SPG11: variants seen among roughly 807,000 people sequenced by gnomAD.
The protein encoded by SPG11 is SPG11 vesicle trafficking associated, spatacsin.
In SPG11, 222 loss-of-function variants were observed where a neutral mutation model predicts 274.0. The observed-to-expected ratio is 0.81, with a 90% confidence interval of 0.73 to 0.91. SPG11 has a LOEUF of 0.91. Ranked by LOEUF, SPG11 falls within the 40% of genes least tolerant of loss-of-function variation. SPG11 has a pLI of 0.00. For synonymous variants in SPG11, 1,144 were observed against 1,039.7 expected (o/e 1.10, Z -1.93); for missense variants, 3,114 against 2,872.7 (o/e 1.08, Z -1.92).
chr15:44,568,493 G>A (rs1007746588), intron 35 of SPG11, among the ~76,000 whole-genome samples: 1 of 152,172 alleles, frequency 6.6e-6, no homozygotes, highest in Non-Finnish European at 1.5e-5. Flanking sequence ...CAGAAGCAAT[G>A]AATCATCCAA....
chr15:44,629,289 T>G lies in SPG11; in HGVS notation c.1835A>C (p.Asn612Thr). The change falls in exon 9 of 40, where the codon AAT (asparagine) becomes ACT (threonine). Residue 612 changes from asparagine (N) to threonine (T), a missense_variant. Asn to Thr is a moderately conservative substitution (Grantham distance 65, BLOSUM62 0). Transcript: ENST00000261866. ...QSKHFSEQLL[N>T]LTLSFLNNQI... ...GTTGTTAAGGAAAGACAGTGTAAGA[T>G]TAAGCAATTGTTCTGAAAAGTGTTT... 3 of 1,614,102 alleles carry G rather than the reference T, an allele frequency of 1.9e-6. No homozygotes were observed. Among genetic ancestry groups the G allele is most frequent in the Non-Finnish European group, 2.5e-6 (3 of 1,179,956 alleles).
chr15:44,609,839 G>A (rs1461104997), intron 18 of SPG11, among the ~76,000 whole-genome samples: 8 of 147,170 alleles, frequency 5.4e-5, no homozygotes, highest in African/African-American at 1.5e-4. Flanking sequence ...TCAAGTAATC[G>A]TGTCTCAGCC....
At chr15:44,655,072 T>C (rs1361563450) in intron 4 of SPG11, among the ~76,000 whole-genome samples, 1 of 152,228 alleles carries the variant, frequency 6.6e-6, no homozygotes, top group African/African-American at 2.4e-5. Context: ...TAAAATGCCA[T>C]GTGGTACTAA....
At chr15:44,565,164 C>G (rs956396669) in intron 38 of SPG11, among the ~76,000 whole-genome samples, 3 of 152,122 alleles carry the variant, frequency 2.0e-5, no homozygotes, top group Non-Finnish European at 4.4e-5. Flanking sequence ...AGGGCTAGAA[C>G]CAATCTCCCT....
intron 7 of SPG11, among the ~76,000 whole-genome samples, chr15:44,641,586 T>TACACACACACACACACAC (rs147901004): frequency 2.7e-5 from 3 of 112,486 alleles, no homozygotes; most frequent in Admixed American, 9.6e-5. Flanking sequence ...CCAAATATCT[T>TACACACACACACACACAC]ACACACACAC....
chr15:44,568,850 G>T (rs2082359156), intron 35 of SPG11, among the ~76,000 whole-genome samples: 1 of 152,144 alleles, frequency 6.6e-6, no homozygotes, highest in African/African-American at 2.4e-5. Flanking sequence ...AGAGGCTGAG[G>T]TGGAGGAGGA....
Position 44,659,224 on chromosome 15 carries a change from T to G in SPG11, c.522A>C (p.Leu174=). 6.2e-7 allele frequency: 1 copy of G among 1,614,170 alleles called. No individual in the cohort carries two copies. Among genetic ancestry groups the G allele is most frequent in the Non-Finnish European group, 8.5e-7 (1 of 1,179,992 alleles). The part of the protein sequence containing the change: ...SLLFINKCVI[L]HIIFPERDAA... Reference sequence around the variant, plus strand: ...CATCTCTTTCAGGAAATATAATATGTAGGATGACACATTTGTTGATGAACA... The same window carrying G: ...CATCTCTTTCAGGAAATATAATATGGAGGATGACACATTTGTTGATGAACA... Residue 174 remains leucine, a synonymous_variant, in exon 3 of 40, where the codon CTA becomes CTC. Coordinates refer to ENST00000261866, the MANE Select transcript of SPG11 (RefSeq NM_025137.4).
At chr15:44,625,278 C>T (rs2083866257) in intron 11 of SPG11, among the ~76,000 whole-genome samples, 1 of 152,092 alleles carries the variant, frequency 6.6e-6, no homozygotes, top group Non-Finnish European at 1.5e-5. Flanking sequence ...CCTGGAGATC[C>T]TCCTGCCTCA....
intron 7 of SPG11, among the ~76,000 whole-genome samples, chr15:44,646,625 A>G (rs1490508224): frequency 1.3e-5 from 2 of 152,226 alleles, no homozygotes; most frequent in African/African-American, 2.4e-5. Flanking sequence ...ATTCATATAC[A>G]TGATGGAATA....
chr15:44,608,723 T>C (rs2083385511), intron 18 of SPG11, 118 bp from the exon 19 acceptor site: 1 of 933,578 alleles, frequency 1.1e-6, no homozygotes, highest in Non-Finnish European at 1.6e-6. Context: ...TGGTAGTGAA[T>C]ATAGCATTAG....
chr15:44,622,357 AAAGT>A lies in SPG11; in HGVS notation c.2317-14_2317-11del. ...CTTTTAAAATTTCAACCTTGAATAA[AAAGT>A]AATTAAAGCAGTGACTTTACAAAAA... On this transcript the variant is annotated splice_polypyrimidine_tract_variant and intron_variant, in intron 12 of 39. Transcript: ENST00000261866. The A allele has an allele frequency of 1.3e-6, 2 of 1,529,724 alleles. No individual in the cohort carries two copies. The highest frequency in any genetic ancestry group is 2.3e-5 in the East Asian group (1 of 44,128). 94.8% of individuals were successfully genotyped at this position (1,529,724 alleles called of 1,614,324 possible).
intron 35 of SPG11, among the ~76,000 whole-genome samples, chr15:44,568,342 T>C (rs991445961): frequency 3.9e-5 from 6 of 152,260 alleles, no homozygotes; most frequent in Admixed American, 6.5e-5. Context: ...GATGCACCTA[T>C]GTCCAGGACT....
chr15:44,608,720 G>A, intron 18 of SPG11, 115 bp from the exon 19 acceptor site: 1 of 963,002 alleles, frequency 1.0e-6, no homozygotes, highest in Non-Finnish European at 1.5e-6. Context: ...ATGTGGTAGT[G>A]AATATAGCAT....
At chr15:44,588,198 T>G (rs796864386) in intron 28 of SPG11, among the ~76,000 whole-genome samples, 7 of 152,152 alleles carry the variant, frequency 4.6e-5, no homozygotes, top group African/African-American at 1.7e-4. Flanking sequence ...AATAAAAAAC[T>G]TGAAATTATC....
chr15:44,598,003 G>A (rs1413470404), intron 23 of SPG11, among the ~76,000 whole-genome samples: 1 of 152,202 alleles, frequency 6.6e-6, no homozygotes, highest in African/African-American at 2.4e-5. Flanking sequence ...CAGGGCAGTG[G>A]AGGAGACAAA....
At position 44,663,621 on chromosome 15, in the gene SPG11, A is replaced by G. The variant is rs549196342; in HGVS notation, c.27T>C (p.Ser9=). 37 of 1,596,044 alleles carry G rather than the reference A, an allele frequency of 2.3e-5. No individual in the cohort carries two copies. Among genetic ancestry groups the G allele is most frequent in the Admixed American group, 3.4e-5 (2 of 58,918 alleles). The part of the protein sequence containing the change: MAAEEGVA[S]AASAGGSWGT... ...CCCAGCTACCGCCGGCGGAAGCAGC[A>G]CTCGCGACCCCTTCCTCTGCAGCCA... The change falls in exon 1 of 40, where the codon AGT becomes AGC. Residue 9 remains serine (S), a synonymous_variant. Coordinates refer to ENST00000261866, the MANE Select transcript of SPG11 (RefSeq NM_025137.4).
At chr15:44,564,303 G>A (rs1029852498) in intron 39 of SPG11, among the ~76,000 whole-genome samples, 1 of 152,144 alleles carries the variant, frequency 6.6e-6, no homozygotes. Flanking sequence ...AGTGTTTTAG[G>A]TTTTTGGCAC....
chr15:44,589,890 C>T (rs1286078086), intron 27 of SPG11, among the ~76,000 whole-genome samples: 1 of 152,254 alleles, frequency 6.6e-6, no homozygotes, highest in Non-Finnish European at 1.5e-5. Flanking sequence ...ACTGTAACCT[C>T]TGCCTCCCGG....
chr15:44,586,126 A>G (rs1715601189), intron 28 of SPG11, among the ~76,000 whole-genome samples: 1 of 151,672 alleles, frequency 6.6e-6, no homozygotes, highest in African/African-American at 2.4e-5. Context: ...TGGGGACTAC[A>G]GGTGTACACC....
Sources: gnomAD v4.1 joint callset for allele counts (sites outside exome capture counted in the v4.1 genomes callset) on GRCh38, gnomAD v4.1.1 for gene constraint, MANE v1.5 for transcripts, NCBI Gene and HGNC (gene_info 2026-07-23, HGNC 2026-07-21) for gene names.